STAT5B: variants seen among roughly 807,000 people sequenced by gnomAD.
The protein encoded by STAT5B is signal transducer and activator of transcription 5B.
A neutral mutation model predicts 107.8 loss-of-function variants in STAT5B; 21 were observed. The observed-to-expected ratio is 0.19, with a 90% CI of 0.14 to 0.28. The LOEUF is 0.28. Among genes scored for constraint, STAT5B ranks in the 10% least tolerant of loss-of-function variants. The probability of loss-of-function intolerance (pLI) is 1.00; values close to 1 mark genes in which losing one functional copy is unlikely to be tolerated. For missense variants in STAT5B, 565 were observed against 1,008.2 expected (o/e 0.56, Z 5.95); for synonymous variants, 325 against 401.7 (o/e 0.81, Z 2.28).
At chr17:42,239,093 C>T (rs1268255544) in intron 1 of STAT5B, among the ~76,000 whole-genome samples, 2 of 151,434 alleles carry the variant, frequency 1.3e-5, no homozygotes, top group Non-Finnish European at 2.9e-5. Flanking sequence ...ACTAAAAATA[C>T]AAAAATTAGC....
At chr17:42,285,789 A>G in the STAT5B span, among the ~76,000 whole-genome samples, 2 of 152,170 alleles carry the variant, frequency 1.3e-5, no homozygotes, top group African/African-American at 4.8e-5. Flanking sequence ...CCATCCTGGG[A>G]AAGTTCCATA....
At chr17:42,219,181 G>C (rs1443604849) in intron 7 of STAT5B, 131 bp downstream of exon 7, 28 of 1,399,886 alleles carry the variant, frequency 2.0e-5, no homozygotes, top group Non-Finnish European at 2.6e-5. Context: ...TGAGGAACCA[G>C]GCTCCCTGGA....
rs377043175 is a variant in STAT5B at position 42,219,715 on chromosome 17, G to A, written c.678C>T (p.Arg226=). Residue 226 remains arginine (R), a synonymous_variant, in exon 6 of 19, where the codon CGC becomes CGT. Transcript: ENST00000293328. ...QREAQTLQQY[R]VELAEKHQKT... The stretch of plus-strand genomic sequence containing the variant: ...AGAGGCCCAGGACCCCACTCACCAC[G>A]CGGTACTGCTGCAGTGTCTGTGCCT... 6.2e-5 allele frequency: 100 copies of A among 1,605,064 alleles called. No individual in the cohort carries two copies. Among genetic ancestry groups the A allele is most frequent in the African/African-American group, 5.4e-4 (40 of 73,830 alleles).
At position 42,208,043 on chromosome 17, in the gene STAT5B, C is replaced by T. The variant is rs144114733; in HGVS notation, c.1907-315G>A. ...CCAAGTAGCTGGGATTACAGGCACG[C>T]GCCACCACACCTGGCTAATTTTGTA... is the stretch of plus-strand genomic sequence containing the variant. On this transcript the variant is annotated intron_variant, in intron 15 of 18. Transcript: ENST00000293328. Among the ~76,000 whole-genome samples, 1,012 of 152,176 alleles carry T rather than the reference C, an allele frequency of 6.7e-3. 10 individuals carry two copies. Among genetic ancestry groups the T allele is most frequent in the African/African-American group, 0.023 (937 of 41,538 alleles).
In STAT5B at chr17:42,207,411, G is replaced by A. The variant is rs552639562; in HGVS notation, c.2077+147C>T. On this transcript the variant is annotated intron_variant, in intron 16 of 18. Coordinates refer to ENST00000293328, the MANE Select transcript of STAT5B (RefSeq NM_012448.4). ...CCAGCCCAAGGTTTACATCTGCCCT[G>A]GAAAATGCTCAAACTGCTCTCACTG... The A allele has an allele frequency of 2.8e-5, 30 of 1,053,238 alleles. No individual in the cohort carries two copies. In the South Asian group the frequency reaches 3.2e-4, roughly 11 times the overall value. 65.2% of individuals were successfully genotyped at this position (1,053,238 alleles called of 1,614,324 possible). A position where few individuals can be genotyped will look rare whatever the true frequency, so the allele number is the denominator to read the frequency against.
intron 1 of STAT5B, among the ~76,000 whole-genome samples, chr17:42,238,095 TATCCATCCATCCATCC>T (rs60439745): frequency 0.072 from 10,186 of 141,026 alleles, 482 homozygotes; most frequent in South Asian, 0.24. Flanking sequence ...TAAACTTTTC[TATCCATCCATCCATCC>T]ATCCATCCAT....
At chr17:42,213,689 A>G (rs2080147568) in intron 12 of STAT5B, among the ~76,000 whole-genome samples, 1 of 150,890 alleles carries the variant, frequency 6.6e-6, no homozygotes. Context: ...CACCACGCCC[A>G]GCTAATTTTT....
At chr17:42,204,537 G>GTTTT (rs2080071355) in intron 16 of STAT5B, among the ~76,000 whole-genome samples, 1 of 152,184 alleles carries the variant, frequency 6.6e-6, no homozygotes, top group Admixed American at 6.5e-5. Context: ...TTCATAACAT[G>GTTTT]TTTTTTGTGC....
intron 1 of STAT5B, among the ~76,000 whole-genome samples, chr17:42,249,965 A>C (rs2080484399): frequency 6.6e-6 from 1 of 152,144 alleles, no homozygotes; most frequent in Non-Finnish European, 1.5e-5. Flanking sequence ...CCAAACCCAG[A>C]CTTCTTTAAA....
chr17:42,252,096 G>A (rs1289526501), intron 1 of STAT5B, among the ~76,000 whole-genome samples: 1 of 152,080 alleles, frequency 6.6e-6, no homozygotes, highest in Non-Finnish European at 1.5e-5. Context: ...AAGATCATCT[G>A]GGTTCTCCAA....
Position 42,201,524 on chromosome 17 carries a change from GCACACACACACACACACACACACA to G in STAT5B, c.*190_*213del. 1 of 616,552 alleles carries G rather than the reference GCACACACACACACACACACACACA, an allele frequency of 1.6e-6. No homozygotes were observed. 38.2% of individuals were successfully genotyped at this position (616,552 alleles called of 1,614,324 possible). On this transcript the variant is annotated 3_prime_UTR_variant, in exon 19 of 19. Coordinates refer to ENST00000293328, the MANE Select transcript of STAT5B (RefSeq NM_012448.4). ...GAGAAACACCATAACGTGCAAACAC[GCACACACACACACACACACACACA>G]CACACAAACACATACTCGCACTCCC...
chr17:42,256,367 C>G (rs1473610977), intron 1 of STAT5B, among the ~76,000 whole-genome samples: 1 of 152,116 alleles, frequency 6.6e-6, no homozygotes, highest in Non-Finnish European at 1.5e-5. Flanking sequence ...AGGCATGAGC[C>G]ACTGCACCCA....
chr17:42,250,144 G>A lies in STAT5B; in HGVS notation c.-10-18007C>T, dbSNP rs192124798. On this transcript the variant is annotated intron_variant, in intron 1 of 18. Coordinates refer to ENST00000293328, the MANE Select transcript of STAT5B (RefSeq NM_012448.4). ...GCTTAACTATCTACACAAAACTTGC[G>A]AGAAAATGTTACGAGCTCCTACCCC... Among the ~76,000 whole-genome samples, 31 of 152,248 alleles carry A rather than the reference G, an allele frequency of 2.0e-4. No homozygotes were observed. In the East Asian group the frequency reaches 3.9e-3, roughly 19 times the overall value.
At chr17:42,222,721 G>A (rs7207062) in intron 5 of STAT5B, among the ~76,000 whole-genome samples, 8,586 of 121,130 alleles carry the variant, frequency 0.071, 811 homozygotes, top group African/African-American at 0.24. Flanking sequence ...TGCTCTTTTT[G>A]TCCAGGCTGG....
At chr17:42,282,137 C>A in the STAT5B span, among the ~76,000 whole-genome samples, 2 of 152,112 alleles carry the variant, frequency 1.3e-5, no homozygotes, top group African/African-American at 4.8e-5. Context: ...GGTTTAGGGG[C>A]CTTCATTAAT....
intron 4 of STAT5B, among the ~76,000 whole-genome samples, chr17:42,224,331 A>T (rs1302288667): frequency 6.6e-6 from 1 of 151,280 alleles, no homozygotes; most frequent in Non-Finnish European, 1.5e-5. Flanking sequence ...AAGATCAGAG[A>T]CCACATCTTC....
In STAT5B at chr17:42,219,403, G is replaced by A; in HGVS notation, c.742C>T (p.Leu248=). Residue 248 remains leucine, a synonymous_variant, in exon 7 of 19, where the codon CTG becomes TTG. Coordinates refer to ENST00000293328, the MANE Select transcript of STAT5B (RefSeq NM_012448.4). ...QLLRKQQTII[L]DDELIQWKRR... is the part of the protein sequence containing the mutation. ...TTCCACTGGATCAGCTCGTCATCCA[G>A]GATGATGGTCTGCTGCTTCCGCAGC... is the stretch of plus-strand genomic sequence containing the variant. 6.6e-7 allele frequency: 1 copy of A among 1,508,888 alleles called. No individual in the cohort carries two copies. The highest frequency in any genetic ancestry group is 8.9e-7 in the Non-Finnish European group (1 of 1,119,964). The allele number at this position is 1,508,888 out of a possible 1,614,324, so 93.5% of individuals were successfully genotyped here.
intron 1 of STAT5B, among the ~76,000 whole-genome samples, chr17:42,274,616 C>T (rs1214561912): frequency 6.6e-6 from 1 of 152,162 alleles, no homozygotes; most frequent in Non-Finnish European, 1.5e-5. Context: ...AAGATTCTCC[C>T]CATTTGAAGT....
chr17:42,265,876 A>G (rs1375211910), intron 1 of STAT5B, among the ~76,000 whole-genome samples: 1 of 152,186 alleles, frequency 6.6e-6, no homozygotes, highest in Non-Finnish European at 1.5e-5. Flanking sequence ...ACACTGTTTC[A>G]TATGATTATC....
Sources: gnomAD v4.1 joint callset for allele counts (sites outside exome capture counted in the v4.1 genomes callset) on GRCh38, gnomAD v4.1.1 for gene constraint, MANE v1.5 for transcripts, NCBI Gene and HGNC (gene_info 2026-07-23, HGNC 2026-07-21) for gene names.